CSMD2: variants seen among roughly 807,000 people sequenced by gnomAD.
CSMD2 encodes the protein CUB and Sushi multiple domains 2, also known as CUB and sushi domain-containing protein 2.
A neutral mutation model predicts 398.5 loss-of-function variants in CSMD2; 130 were observed. The observed-to-expected ratio is 0.33, with a 90% CI of 0.28 to 0.38. The LOEUF (loss-of-function observed/expected upper bound fraction) is 0.38. Ranked by LOEUF, CSMD2 falls within the 10% of genes least tolerant of loss-of-function variation. The pLI, the probability that CSMD2 is intolerant of heterozygous loss-of-function variation, is 1.00. For missense variants in CSMD2, 3,829 were observed against 4,764.9 expected, an observed-to-expected ratio of 0.80 and a Z score of 5.78; for synonymous variants, 1,828 against 1,908.5, an observed-to-expected ratio of 0.96 and a Z score of 1.10.
intron 4 of CSMD2, among the ~76,000 whole-genome samples, chr1:33,930,504 G>T (rs951412495): frequency 6.6e-6 from 1 of 152,224 alleles, no homozygotes; most frequent in Non-Finnish European, 1.5e-5. Context: ...TATGGTGACA[G>T]CCTGCCGTGT....
intron 13 of CSMD2, among the ~76,000 whole-genome samples, chr1:33,759,239 T>C (rs1649460993): frequency 6.6e-6 from 1 of 151,928 alleles, no homozygotes; most frequent in African/African-American, 2.4e-5. Context: ...GGCAAGAGTT[T>C]TGATGGAAGA....
In CSMD2 at chr1:33,636,628, C is replaced by G. The variant is rs930875116; in HGVS notation, c.4775-74G>C. ...GGAGGCTATTCTTGGGCTCCAGTGC[C>G]CATGAGGAGAACCCGACTTTAATTA... On this transcript the variant is annotated intron_variant, in intron 29 of 70. Coordinates refer to ENST00000373381, the MANE Select transcript of CSMD2 (RefSeq NM_001281956.2). This position sits in a 1 kb window ranked among gnomAD's most constrained non-coding sequence, Gnocchi z 4.8. 64 of 1,319,898 alleles carry G rather than the reference C, an allele frequency of 4.8e-5. No individual in the cohort carries two copies. The highest frequency in any genetic ancestry group is 6.5e-5 in the South Asian group (5 of 76,990). 81.8% of individuals were successfully genotyped at this position (1,319,898 alleles called of 1,614,324 possible).
At chr1:33,718,163 C>T (rs969961776) in intron 19 of CSMD2, among the ~76,000 whole-genome samples, 6 of 152,110 alleles carry the variant, frequency 3.9e-5, no homozygotes, top group Admixed American at 1.3e-4. Flanking sequence ...TAAGGCAATC[C>T]GATTGCAGAG....
At chr1:33,778,341 T>C (rs372745299) in intron 12 of CSMD2, among the ~76,000 whole-genome samples, 293 of 152,220 alleles carry the variant, frequency 1.9e-3, no homozygotes, top group African/African-American at 6.6e-3. Flanking sequence ...TTTATAGCAA[T>C]GATGCCCCTT....
At chr1:33,951,223 G>T (rs891355309) in intron 3 of CSMD2, among the ~76,000 whole-genome samples, 5 of 152,222 alleles carry the variant, frequency 3.3e-5, no homozygotes, top group African/African-American at 1.2e-4. Flanking sequence ...AATGAGACAA[G>T]AATTTGTCTA....
At chr1:34,157,107 C>T (rs1640877791) in intron 1 of CSMD2, among the ~76,000 whole-genome samples, 1 of 152,190 alleles carries the variant, frequency 6.6e-6, no homozygotes, top group Non-Finnish European at 1.5e-5. Context: ...GTGGTGGCCA[C>T]ATGGGACTCC....
At chr1:34,145,678 C>T (rs537830875) in intron 1 of CSMD2, among the ~76,000 whole-genome samples, 33 of 152,278 alleles carry the variant, frequency 2.2e-4, no homozygotes, top group South Asian at 8.3e-4. Context: ...GAGAACATCC[C>T]GCGCCATAAC....
intron 3 of CSMD2, 42 bp downstream of exon 3, chr1:34,032,552 A>C: frequency 1.5e-6 from 2 of 1,315,612 alleles, no homozygotes; most frequent in South Asian, 2.7e-5. Context: ...CTATTAGGAC[A>C]TCACATCTCC....
At chr1:33,926,937 C>T (rs1051898149) in intron 4 of CSMD2, among the ~76,000 whole-genome samples, 7 of 152,206 alleles carry the variant, frequency 4.6e-5, no homozygotes, top group African/African-American at 1.7e-4. Context: ...GGACATTATC[C>T]TCTCTACTTC....
rs1639811600 is a variant in CSMD2, at chr1:33,864,475, G to A, written c.921-17479C>T. ...AAGCGGGATCCCCAGGAACCCAGAC[G>A]GCCTCCATCATCCTTCCTACTCTTC... On this transcript the variant is annotated intron_variant, in intron 5 of 70. Transcript: ENST00000373381. 3 of 1,613,378 alleles carry A rather than the reference G, an allele frequency of 1.9e-6. No individual in the cohort carries two copies. The highest frequency in any genetic ancestry group is 2.5e-6 in the Non-Finnish European group (3 of 1,179,384).
At chr1:33,813,584 T>G (rs919038552) in intron 9 of CSMD2, among the ~76,000 whole-genome samples, 1 of 151,834 alleles carries the variant, frequency 6.6e-6, no homozygotes, top group Non-Finnish European at 1.5e-5. Flanking sequence ...GCCTGAGCTC[T>G]GCAGCTACTC....
At chr1:33,699,511 G>C (rs1284931148) in intron 23 of CSMD2, among the ~76,000 whole-genome samples, 60 of 152,174 alleles carry the variant, frequency 3.9e-4, no homozygotes, top group Admixed American at 3.9e-3. Context: ...TAAATAAATT[G>C]TTCCAAACTT....
At chr1:33,976,606 G>C (rs558364874) in intron 3 of CSMD2, among the ~76,000 whole-genome samples, 5 of 152,246 alleles carry the variant, frequency 3.3e-5, no homozygotes, top group African/African-American at 1.2e-4. Flanking sequence ...CACCACCAGG[G>C]CATGATGCGA....
chr1:34,036,790 A>C (rs1225072062), intron 2 of CSMD2, among the ~76,000 whole-genome samples: 1 of 152,252 alleles, frequency 6.6e-6, no homozygotes, highest in South Asian at 2.1e-4. Flanking sequence ...AAAAAGTTTC[A>C]TGAATACAAA....
rs35436778 is a variant in CSMD2, at chr1:34,125,507, C to CTGTGTGTGTG, written c.188-36324_188-36315dup. 9.2e-4 allele frequency among the ~76,000 whole-genome samples: 130 copies of CTGTGTGTGTG among 141,194 alleles called. 2 individuals are homozygous for CTGTGTGTGTG. Among genetic ancestry groups the CTGTGTGTGTG allele is most frequent in the East Asian group, 2.7e-3 (12 of 4,482 alleles). 92.6% of individuals were successfully genotyped at this position (141,194 alleles called of 152,430 possible). On this transcript the variant is annotated intron_variant, in intron 1 of 70. Transcript: ENST00000373381. ...CAAGCACACTTCCCATCAACCTTGG[C>CTGTGTGTGTG]TGTGTGTGTGTGTGTGTGTGTGTGT...
In CSMD2 at chr1:33,633,455, G is replaced by A; in HGVS notation, c.5167C>T (p.Arg1723Trp). The change falls in exon 32 of 71, where the codon CGG becomes TGG. Residue 1723 changes from arginine (R) to tryptophan (W), a missense_variant. Arg to Trp is a moderately radical substitution (Grantham distance 101). Around this residue, in one of 5 missense-constraint regions of CSMD2, gnomAD observed 2,001 missense variants for 2,567.1 expected, o/e 0.78. Transcript: ENST00000373381. This position sits in a 1 kb window ranked among gnomAD's most constrained non-coding sequence, Gnocchi z 5.0. ...EVHDGHSQHS[R>W]LLSSLSGSHT... ...GAGCCCGAGAGGGAGCTGAGGAGCC[G>A]CGAGTGCTGGCTGTGGCCGTCGTGA... The A allele has an allele frequency of 1.3e-6, 2 of 1,553,998 alleles. No homozygotes were observed. Among genetic ancestry groups the A allele is most frequent in the East Asian group, 2.4e-5 (1 of 41,244 alleles).
chr1:33,586,473 G>T, intron 46 of CSMD2, 31 bp downstream of exon 46: 1 of 1,408,648 alleles, frequency 7.1e-7, no homozygotes, highest in Non-Finnish European at 1.0e-6. Flanking sequence ...GAACTTCTAG[G>T]CCCCATACAG....
intron 6 of CSMD2, among the ~76,000 whole-genome samples, chr1:33,832,176 C>T (rs960116376): frequency 1.4e-5 from 2 of 147,018 alleles, no homozygotes; most frequent in Non-Finnish European, 3.0e-5. Flanking sequence ...TAGACATCTA[C>T]AGAACTCTCC....
chr1:33,998,517 G>T (rs749079633), intron 3 of CSMD2, among the ~76,000 whole-genome samples: 1 of 152,220 alleles, frequency 6.6e-6, no homozygotes, highest in Non-Finnish European at 1.5e-5. Flanking sequence ...CCTTCTGTCT[G>T]CCCAGCTTCG....
Sources: gnomAD v4.1 joint callset for allele counts (sites outside exome capture counted in the v4.1 genomes callset) on GRCh38, gnomAD v4.1.1 for gene constraint, gnomAD v4.1.1 regional missense constraint, Gnocchi (gnomAD v3.1) non-coding constraint, MANE v1.5 for transcripts, NCBI Gene and HGNC (gene_info 2026-07-23, HGNC 2026-07-21) for gene names.